PAICS: variants seen among roughly 807,000 people sequenced by gnomAD.
PAICS encodes the protein phosphoribosylaminoimidazole carboxylase and phosphoribosylaminoimidazolesuccinocarboxamide synthase.
A neutral mutation model predicts 53.7 loss-of-function variants in PAICS; 33 were observed. The ratio of observed to expected loss-of-function variants is 0.61; its 90% CI spans 0.47 to 0.82. The LOEUF is 0.82. Ranked by LOEUF, PAICS falls within the 40% of genes least tolerant of loss-of-function variation. The pLI is 0.00. For missense variants in PAICS, 394 were observed against 494.1 expected, an observed-to-expected ratio of 0.80 and a Z score of 1.92; for synonymous variants, 141 against 167.2, an observed-to-expected ratio of 0.84 and a Z score of 1.21.
chr4:56,441,570 CTG>C, intron 1 of PAICS, 91 bp from the exon 2 acceptor site: 2 of 492,796 alleles, frequency 4.1e-6, no homozygotes, highest in African/African-American at 2.0e-5. Context: ...TACTTAATCA[CTG>C]TATATTTACA....
chr4:56,423,009 T>C, the PAICS span: 1 of 152,258 alleles, frequency 6.6e-6, no homozygotes, highest in African/African-American at 2.4e-5. Context: ...TACCCTCTGG[T>C]ATAGGGCACT....
chr4:56,411,026 G>C, the PAICS span: 6 of 673,436 alleles, frequency 8.9e-6, no homozygotes, highest in Non-Finnish European at 1.1e-5. Context: ...GAAATATCAA[G>C]ACTGTGGAAA....
intron 8 of PAICS, among the ~76,000 whole-genome samples, chr4:56,456,088 T>C (rs1719180802): frequency 6.6e-6 from 1 of 152,166 alleles, no homozygotes. Context: ...AACCCTTCTA[T>C]TGAGTTTTTC....
At chr4:56,422,631 C>T in the PAICS span, 1 of 151,972 alleles carries the variant, frequency 6.6e-6, no homozygotes, top group Admixed American at 6.6e-5. Flanking sequence ...TATTTGGAGA[C>T]AGGGCCTTTG....
chr4:56,443,001 G>T (rs1377865810), intron 2 of PAICS, among the ~76,000 whole-genome samples: 1 of 152,090 alleles, frequency 6.6e-6, no homozygotes, highest in African/African-American at 2.4e-5. Context: ...GTGAAAGTGA[G>T]TGTATTGCTG....
rs193028943 is a variant in PAICS at position 56,463,238 on chromosome 4, G to T, written c.*3700G>T. 6.6e-6 allele frequency: 1 copy of T among 152,024 alleles called. No individual in the cohort carries two copies. The highest frequency in any genetic ancestry group is 1.5e-5 in the Non-Finnish European group (1 of 68,016). The allele number at this position is 152,024 out of a possible 1,614,324, so 9.4% of individuals were successfully genotyped here. A position where few individuals can be genotyped will look rare whatever the true frequency, so the allele number is the denominator to read the frequency against. The stretch of plus-strand genomic sequence containing the variant: ...TGTTAATCTCACATTGCAGTACAAT[G>T]AAAATAGTGGAATGGAAATCAAGTT... On this transcript the variant is annotated 3_prime_UTR_variant, in exon 9 of 9. Coordinates refer to ENST00000512576, the MANE Select transcript of PAICS (RefSeq NM_001079524.2).
chr4:56,413,001 T>C, the PAICS span, among the ~76,000 whole-genome samples: 33,170 of 121,152 alleles, frequency 0.27, 4,082 homozygotes, highest in East Asian at 0.43. Flanking sequence ...AATATTTAAC[T>C]GAGTGTGGGT....
chr4:56,436,200 G>C (rs527707859), upstream of PAICS: 3 of 1,526,200 alleles, frequency 2.0e-6, no homozygotes, highest in South Asian at 2.5e-5. Flanking sequence ...AGTGGCGCAG[G>C]GTCGCGCGGC....
chr4:56,435,624 G>T, upstream of PAICS: 1 of 1,468,636 alleles, frequency 6.8e-7, no homozygotes. Flanking sequence ...CTGCGGCGGC[G>T]CGCGCTGTCC....
At chr4:56,425,466 TA>T in the PAICS span, 1 of 711,020 alleles carries the variant, frequency 1.4e-6, no homozygotes, top group Non-Finnish European at 1.7e-6. Context: ...GGTATGCTGC[TA>T]ATCTTAAATA....
intron 1 of PAICS, among the ~76,000 whole-genome samples, chr4:56,438,402 T>TATATATATATAA (rs1488140962): frequency 1.6e-4 from 21 of 132,160 alleles, no homozygotes; most frequent in South Asian, 5.1e-4. Flanking sequence ...TATATATATA[T>TATATATATATAA]AAAAGGTTTT....
the PAICS span, among the ~76,000 whole-genome samples, chr4:56,429,776 C>T: frequency 6.6e-6 from 1 of 152,158 alleles, no homozygotes; most frequent in African/African-American, 2.4e-5. Flanking sequence ...TAAAAGCCTC[C>T]CAGTCATTAA....
intron 1 of PAICS, among the ~76,000 whole-genome samples, chr4:56,440,394 A>G (rs1718274439): frequency 1.3e-5 from 2 of 152,154 alleles, no homozygotes; most frequent in Admixed American, 1.3e-4. Context: ...ACTAAATTAC[A>G]ACTACTTTGT....
At chr4:56,428,181 G>C in the PAICS span, among the ~76,000 whole-genome samples, 1 of 152,190 alleles carries the variant, frequency 6.6e-6, no homozygotes, top group African/African-American at 2.4e-5. Context: ...GTTGCTTTAA[G>C]TGAATGATAA....
intron 1 of PAICS, 57 bp downstream of exon 1, chr4:56,436,385 C>A: frequency 1.5e-6 from 2 of 1,341,254 alleles, no homozygotes; most frequent in Non-Finnish European, 1.1e-6. Context: ...GCCGTGAGCT[C>A]GCGGCCACGT....
At chr4:56,435,652 C>A (rs1309526207), upstream of PAICS, 2 of 1,431,762 alleles carry the variant, frequency 1.4e-6, no homozygotes, top group African/African-American at 1.4e-5. Context: ...GCGTGGCCAG[C>A]TCAGCCCTGC....
At chr4:56,435,881 C>T, upstream of PAICS, 1 of 1,481,558 alleles carries the variant, frequency 6.7e-7, no homozygotes, top group Non-Finnish European at 9.0e-7. Context: ...GAGCATTTAG[C>T]CTTCATATGC....
chr4:56,436,863 GGC>G (rs1466992588), intron 1 of PAICS, among the ~76,000 whole-genome samples: 1 of 131,092 alleles, frequency 7.6e-6, no homozygotes, highest in Non-Finnish European at 1.5e-5. Context: ...TGGACGTGGT[GGC>G]GCGCGCCTGT....
intron 2 of PAICS, among the ~76,000 whole-genome samples, chr4:56,445,656 T>G (rs182249070): frequency 1.1e-3 from 166 of 152,234 alleles, no homozygotes; most frequent in Admixed American, 0.011. Flanking sequence ...TATAAGACAC[T>G]TAGCACAGTG....
Sources: gnomAD v4.1 joint callset for allele counts (sites outside exome capture counted in the v4.1 genomes callset) on GRCh38, gnomAD v4.1.1 for gene constraint, MANE v1.5 for transcripts, NCBI Gene and HGNC (gene_info 2026-07-23, HGNC 2026-07-21) for gene names.